SLMAP: variants seen among roughly 807,000 people sequenced by gnomAD.
SLMAP encodes sarcolemma associated protein.
SLMAP carries 44 observed loss-of-function variants against 128.8 expected under a neutral mutation model. That is an observed-to-expected ratio of 0.34 (90% CI 0.27 to 0.44). The LOEUF is 0.44. Ranked by LOEUF, SLMAP falls within the 20% of genes least tolerant of loss-of-function variation. The pLI, the probability that SLMAP is intolerant of heterozygous loss-of-function variation, is 1.00. For synonymous variants in SLMAP, 327 were observed against 348.8 expected, an observed-to-expected ratio of 0.94 and a Z score of 0.70; for missense variants, 787 against 985.3, an observed-to-expected ratio of 0.80 and a Z score of 2.69.
chr3:57,912,713 T>C lies in SLMAP; in HGVS notation c.2020+12T>C. 6.3e-7 allele frequency: 1 copy of C among 1,586,150 alleles called. No individual in the cohort carries two copies. The highest frequency in any genetic ancestry group is 8.6e-7 in the Non-Finnish European group (1 of 1,158,906). ...AACAAGGTTGCAAGGTGAATAAATG[T>C]ATTTTACATAAAGCTGTTAACTTTT... On this transcript the variant is annotated intron_variant, in intron 20 of 24. Transcript: ENST00000671191.
chr3:57,795,283 T>C, intron 2 of SLMAP, among the ~76,000 whole-genome samples: 1 of 152,246 alleles, frequency 6.6e-6, no homozygotes. Flanking sequence ...CTCACGCCTG[T>C]AATCCCAGCA....
At chr3:57,762,663 C>G (rs1321722512) in intron 2 of SLMAP, among the ~76,000 whole-genome samples, 2 of 149,868 alleles carry the variant, frequency 1.3e-5, no homozygotes, top group African/African-American at 4.9e-5. Flanking sequence ...ATCCTTCATC[C>G]TTTTCGGAAG....
chr3:57,860,766 C>A lies in SLMAP; in HGVS notation c.755C>A (p.Thr252Lys). 6.3e-7 allele frequency: 1 copy of A among 1,597,474 alleles called. No homozygotes were observed. The highest frequency in any genetic ancestry group is 8.5e-7 in the Non-Finnish European group (1 of 1,175,444). The change falls in exon 9 of 25, where the codon ACA (threonine) becomes AAA (lysine). Residue 252 changes from threonine to lysine, a missense_variant. Around this residue, in one of 2 missense-constraint regions of SLMAP, gnomAD observed 715 missense variants for 843.6 expected, o/e 0.85. Transcript: ENST00000671191. Reference sequence around the variant, plus strand: ...CAAGAGGATAAACATAACTATGAGACAACAGCCAAAGAGTCCCTGAGGCGG... The same window carrying A: ...CAAGAGGATAAACATAACTATGAGAAAACAGCCAAAGAGTCCCTGAGGCGG... ...ALQEDKHNYE[T>K]TAKESLRRVL...
At chr3:57,781,867 G>A (rs1365473755) in intron 2 of SLMAP, among the ~76,000 whole-genome samples, 1 of 151,234 alleles carries the variant, frequency 6.6e-6, no homozygotes, top group Non-Finnish European at 1.5e-5. Context: ...CAAGTAGCTG[G>A]GATTATAGGC....
chr3:57,883,211 A>C (rs2095793945), intron 14 of SLMAP, among the ~76,000 whole-genome samples: 1 of 152,208 alleles, frequency 6.6e-6, no homozygotes, highest in Non-Finnish European at 1.5e-5. Flanking sequence ...AGAGATTCCA[A>C]ACATATTTAG....
At chr3:57,871,782 T>C in intron 14 of SLMAP, 84 bp downstream of exon 14, 2 of 1,031,600 alleles carry the variant, frequency 1.9e-6, no homozygotes, top group South Asian at 2.6e-5. Flanking sequence ...AGGATCTCAA[T>C]GTGTTTGTTA....
intron 17 of SLMAP, chr3:57,901,105 A>G (rs1279253006): frequency 2.0e-5 from 3 of 152,202 alleles, no homozygotes; most frequent in Non-Finnish European, 4.4e-5. Flanking sequence ...TCACTCTATC[A>G]GTTATACCTA....
intron 2 of SLMAP, 53 bp from the exon 3 acceptor site, chr3:57,831,330 G>T (rs1390886692): frequency 1.4e-5 from 17 of 1,246,784 alleles, no homozygotes; most frequent in Non-Finnish European, 1.6e-5. Flanking sequence ...AAGTACATTT[G>T]GAATTATTAC....
At chr3:57,775,392 G>T (rs2081651919) in intron 2 of SLMAP, among the ~76,000 whole-genome samples, 1 of 151,726 alleles carries the variant, frequency 6.6e-6, no homozygotes, top group Non-Finnish European at 1.5e-5. Flanking sequence ...TTGTGGCTGG[G>T]CCAGGCATAT....
intron 2 of SLMAP, among the ~76,000 whole-genome samples, chr3:57,823,089 A>G (rs2092648034): frequency 6.6e-6 from 1 of 152,162 alleles, no homozygotes; most frequent in Admixed American, 6.5e-5. Context: ...AAAAGCATAC[A>G]AGAAAGAGGA....
At chr3:57,925,332 CTCT>C (rs895414829) in intron 23 of SLMAP, among the ~76,000 whole-genome samples, 12 of 107,124 alleles carry the variant, frequency 1.1e-4, no homozygotes, top group African/African-American at 4.0e-4. Flanking sequence ...CTGTTTCTTT[CTCT>C]TTTTTTTTTT....
At chr3:57,847,547 G>A (rs1238699523) in intron 5 of SLMAP, among the ~76,000 whole-genome samples, 2 of 152,166 alleles carry the variant, frequency 1.3e-5, no homozygotes, top group African/African-American at 4.8e-5. Context: ...AGTCTGTCTA[G>A]AAATTTGTTT....
At chr3:57,851,405 T>C (rs535376294) in intron 6 of SLMAP, among the ~76,000 whole-genome samples, 269 of 151,856 alleles carry the variant, frequency 1.8e-3, no homozygotes, top group African/African-American at 6.0e-3. Flanking sequence ...ATGTTTCTTA[T>C]TCTGGTGAGG....
Position 57,761,769 on chromosome 3 carries a change from C to T in SLMAP, c.198+3920C>T, listed in dbSNP as rs192708259. Reference sequence around the variant, plus strand: ...GGCTCATTAAAAGTTGGAAGAAGGCCGGGCGCGGTGGCTCACGCCTGTAAT... The same window carrying T: ...GGCTCATTAAAAGTTGGAAGAAGGCTGGGCGCGGTGGCTCACGCCTGTAAT... On this transcript the variant is annotated intron_variant, in intron 2 of 24. Transcript: ENST00000671191. Among the ~76,000 whole-genome samples the T allele has an allele frequency of 3.6e-3, 537 of 151,136 alleles. 6 individuals are homozygous for T. The highest frequency in any genetic ancestry group is 0.012 in the African/African-American group (496 of 41,278).
chr3:57,916,241 T>C (rs1334022170), intron 21 of SLMAP, among the ~76,000 whole-genome samples: 2 of 152,148 alleles, frequency 1.3e-5, no homozygotes, highest in Non-Finnish European at 2.9e-5. Flanking sequence ...TATTTGGCAG[T>C]GAAGGGCACT....
rs144798749 is a variant in SLMAP, at chr3:57,924,966, T to G, written c.2446-879T>G. On this transcript the variant is annotated intron_variant, in intron 23 of 24. Transcript: ENST00000671191. ...TTGTTTTTTGTTTTTTGTTTTTTTTTTTTTTGGTGACAGGGTCTTGCTCTG... is the reference window on the plus strand; with the variant it reads ...TTGTTTTTTGTTTTTTGTTTTTTTTGTTTTTGGTGACAGGGTCTTGCTCTG... Among the ~76,000 whole-genome samples the G allele has an allele frequency of 2.8e-3, 430 of 151,570 alleles. 4 individuals carry two copies. The highest frequency in any genetic ancestry group is 9.6e-3 in the African/African-American group (395 of 41,336).
intron 15 of SLMAP, 68 bp from the exon 16 acceptor site, chr3:57,896,443 T>C: frequency 1.3e-6 from 2 of 1,488,288 alleles, no homozygotes; most frequent in South Asian, 1.4e-5. Flanking sequence ...ATTCATAGCC[T>C]GAAGCAGTTT....
intron 3 of SLMAP, among the ~76,000 whole-genome samples, chr3:57,834,449 T>C (rs530544082): frequency 1.3e-4 from 20 of 151,994 alleles, no homozygotes; most frequent in Non-Finnish European, 2.6e-4. Flanking sequence ...ACAAGAATAA[T>C]AAGAGAATCT....
chr3:57,792,681 A>G (rs1367743704), intron 2 of SLMAP, among the ~76,000 whole-genome samples: 2 of 152,102 alleles, frequency 1.3e-5, no homozygotes, highest in African/African-American at 2.4e-5. Context: ...TTAGAAATGT[A>G]TGGACTTATT....
Sources: gnomAD v4.1 joint callset for allele counts (sites outside exome capture counted in the v4.1 genomes callset) on GRCh38, gnomAD v4.1.1 for gene constraint, gnomAD v4.1.1 regional missense constraint, MANE v1.5 for transcripts, NCBI Gene and HGNC (gene_info 2026-07-23, HGNC 2026-07-21) for gene names.